Variants in C2CD5 observed in about 807,000 individuals in gnomAD.
The protein encoded by C2CD5 is C2 domain-containing protein 5.
In C2CD5, 109 loss-of-function variants were observed where a neutral mutation model predicts 130.3. The ratio of observed to expected loss-of-function variants is 0.84; its 90% CI spans 0.72 to 0.98. C2CD5 has a LOEUF of 0.98. Ranked by LOEUF, C2CD5 falls within the 50% of genes least tolerant of loss-of-function variation. The probability of loss-of-function intolerance (pLI) is 0.00; values close to 1 mark genes in which losing one functional copy is unlikely to be tolerated. For missense variants in C2CD5, 996 were observed against 1,261.8 expected (o/e 0.79, Z 3.19); for synonymous variants, 454 against 429.2 (o/e 1.06, Z -0.71).
In C2CD5 at chr12:22,454,083, G is replaced by A. The variant is rs755704760; in HGVS notation, c.2878-41C>T. ...CAGGAAAATCATACTATATATACAT[G>A]TGTATGGATATAGGAATGCACACAA... On this transcript the variant is annotated intron_variant, in intron 25 of 26. Coordinates refer to ENST00000446597, the MANE Select transcript of C2CD5 (RefSeq NM_001286176.2). The A allele has an allele frequency of 3.4e-6, 5 of 1,480,226 alleles. No individual in the cohort carries two copies. The South Asian group carries it at 5.7e-5, about 17-fold the overall frequency. 91.7% of individuals were successfully genotyped at this position (1,480,226 alleles called of 1,614,324 possible). A position where few individuals can be genotyped will look rare whatever the true frequency, so the allele number is the denominator to read the frequency against.
At chr12:22,502,378 C>T (rs1006302847) in intron 10 of C2CD5, among the ~76,000 whole-genome samples, 22 of 152,016 alleles carry the variant, frequency 1.4e-4, no homozygotes, top group African/African-American at 5.3e-4. Context: ...TGAAACATTA[C>T]TTATATTTAA....
intron 21 of C2CD5, 49 bp downstream of exon 21, chr12:22,470,775 C>G (rs1942888616): frequency 1.8e-6 from 2 of 1,135,378 alleles, no homozygotes; most frequent in Non-Finnish European, 1.3e-6. Context: ...ATCACTGAAC[C>G]ATAACACAGA....
intron 22 of C2CD5, among the ~76,000 whole-genome samples, chr12:22,466,773 T>G (rs981621365): frequency 2.6e-5 from 4 of 152,238 alleles, no homozygotes; most frequent in African/African-American, 9.6e-5. Flanking sequence ...GTTTACTGAT[T>G]ATTTTAAATG....
chr12:22,479,694 T>C (rs949741701), intron 14 of C2CD5, among the ~76,000 whole-genome samples: 4 of 152,126 alleles, frequency 2.6e-5, no homozygotes, highest in African/African-American at 9.7e-5. Flanking sequence ...ATTTTAAATA[T>C]CTAATTAAAT....
Position 22,459,948 on chromosome 12 carries a change from T to C in C2CD5, c.2534-406A>G, listed in dbSNP as rs559750898. On this transcript the variant is annotated intron_variant, in intron 22 of 26. Coordinates refer to ENST00000446597, the MANE Select transcript of C2CD5 (RefSeq NM_001286176.2). The stretch of plus-strand genomic sequence containing the variant: ...AATGTTTGCTGTGGGGAAGAGTCTA[T>C]AAGATTACAAATTACAGACAAGATA... Among the ~76,000 whole-genome samples, 20 of 152,330 alleles carry C rather than the reference T, an allele frequency of 1.3e-4. No homozygotes were observed. The South Asian group carries it at 4.1e-3, about 32-fold the overall frequency.
At position 22,472,724 on chromosome 12, in the gene C2CD5, A is replaced by C. The variant is rs1488771564; in HGVS notation, c.2107+20T>G. ...TATATGTAAAACTAGTTTCATCTCAAAGATAACTTTTTTGTTCACCTGAAG... is the reference window on the plus strand; with the variant it reads ...TATATGTAAAACTAGTTTCATCTCACAGATAACTTTTTTGTTCACCTGAAG... On this transcript the variant is annotated intron_variant, in intron 17 of 26. Transcript: ENST00000446597. 2 of 1,382,146 alleles carry C rather than the reference A, an allele frequency of 1.4e-6. No individual in the cohort carries two copies. Among genetic ancestry groups the C allele is most frequent in the Non-Finnish European group, 2.1e-6 (2 of 970,602 alleles). 85.6% of individuals were successfully genotyped at this position (1,382,146 alleles called of 1,614,324 possible).
chr12:22,456,217 T>C (rs1442477720), intron 25 of C2CD5, among the ~76,000 whole-genome samples: 2 of 152,184 alleles, frequency 1.3e-5, no homozygotes, highest in African/African-American at 4.8e-5. Flanking sequence ...ATATACTTTT[T>C]AAAAATACAA....
rs1421631234 is a variant in C2CD5 at position 22,523,498 on chromosome 12, C to G, written c.728G>C (p.Cys243Ser). The G allele has an allele frequency of 6.2e-7, 1 of 1,613,984 alleles. No individual in the cohort carries two copies. The highest frequency in any genetic ancestry group is 1.7e-5 in the Admixed American group (1 of 59,990). The change falls in exon 7 of 27, where the codon TGT (cysteine) becomes TCT (serine). Residue 243 changes from cysteine to serine, a missense_variant. Around this residue, in one of 9 missense-constraint regions of C2CD5, gnomAD observed 156 missense variants for 165.9 expected, o/e 0.94. Transcript: ENST00000446597. Reference sequence around the variant, plus strand: ...TGGGCTACTTAATTTATCCAGAGTACACGCCGTTCCTATGGCTCGCACCAC... The same window carrying G: ...TGGGCTACTTAATTTATCCAGAGTAGACGCCGTTCCTATGGCTCGCACCAC... ...GLVVRAIGTA[C>S]TLDKLSSPAA...
At chr12:22,538,851 G>A (rs1196788015) in intron 2 of C2CD5, among the ~76,000 whole-genome samples, 1 of 152,060 alleles carries the variant, frequency 6.6e-6, no homozygotes, top group Non-Finnish European at 1.5e-5. Flanking sequence ...CAGGATAAAG[G>A]TTTCTCATGA....
intron 26 of C2CD5, among the ~76,000 whole-genome samples, chr12:22,450,816 T>A (rs1283949010): frequency 6.6e-6 from 1 of 152,056 alleles, no homozygotes; most frequent in Non-Finnish European, 1.5e-5. Flanking sequence ...TAAATATTTA[T>A]CAGCAGGGGA....
At chr12:22,524,763 T>C (rs1392538353) in intron 5 of C2CD5, 136 bp from the exon 6 acceptor site, 2 of 605,662 alleles carry the variant, frequency 3.3e-6, no homozygotes, top group East Asian at 5.7e-5. Flanking sequence ...AATGTAATTA[T>C]AATAATACTT....
chr12:22,463,114 C>T (rs539342072), intron 22 of C2CD5, among the ~76,000 whole-genome samples: 24 of 151,350 alleles, frequency 1.6e-4, no homozygotes, highest in Admixed American at 8.6e-4. Context: ...AGGCCAGGTG[C>T]GGTGGCTCAC....
intron 3 of C2CD5, among the ~76,000 whole-genome samples, chr12:22,534,144 C>G (rs1951595258): frequency 1.3e-5 from 2 of 152,172 alleles, no homozygotes; most frequent in South Asian, 4.1e-4. Flanking sequence ...GCCAAGATCG[C>G]ACCATTGCAC....
At chr12:22,526,941 C>A (rs747441797) in intron 4 of C2CD5, among the ~76,000 whole-genome samples, 13 of 152,136 alleles carry the variant, frequency 8.5e-5, no homozygotes, top group Non-Finnish European at 1.3e-4. Context: ...ATCACTTGAG[C>A]TCTAGAGTTA....
chr12:22,472,628 A>G (rs1322461139), intron 17 of C2CD5, 116 bp downstream of exon 17: 2 of 761,266 alleles, frequency 2.6e-6, no homozygotes, highest in African/African-American at 3.5e-5. Flanking sequence ...GTACATGACA[A>G]GCTGTGACAC....
chr12:22,483,816 A>C (rs1261155602), intron 13 of C2CD5, among the ~76,000 whole-genome samples: 2 of 152,172 alleles, frequency 1.3e-5, no homozygotes, highest in African/African-American at 2.4e-5. Context: ...CCATTCATTA[A>C]AACAGAAAAG....
intron 9 of C2CD5, among the ~76,000 whole-genome samples, chr12:22,512,437 G>A (rs982868223): frequency 6.6e-6 from 1 of 151,540 alleles, no homozygotes. Flanking sequence ...TAAAATTACT[G>A]ACATGACATA....
intron 14 of C2CD5, among the ~76,000 whole-genome samples, chr12:22,479,964 A>G (rs1944462567): frequency 6.6e-6 from 1 of 152,164 alleles, no homozygotes; most frequent in African/African-American, 2.4e-5. Context: ...TCAACTGCCA[A>G]TTTTGTGAAC....
intron 3 of C2CD5, among the ~76,000 whole-genome samples, chr12:22,533,972 G>A (rs1951567230): frequency 6.6e-6 from 1 of 152,222 alleles, no homozygotes; most frequent in African/African-American, 2.4e-5. Context: ...GATCACTTGA[G>A]GTCAGGAGTT....
Sources: allele counts gnomAD v4.1 joint callset (sites outside exome capture counted in the v4.1 genomes callset), GRCh38; gene constraint gnomAD v4.1.1; regional missense constraint gnomAD v4.1.1; transcripts MANE v1.5; gene names NCBI Gene and HGNC (gene_info 2026-07-23, HGNC 2026-07-21).